Variants in PCDHA3 observed in about 807,000 individuals in gnomAD.
PCDHA3 encodes protocadherin alpha-3.
PCDHA3 carries 41 observed loss-of-function variants against 62.2 expected under a neutral mutation model. The observed-to-expected ratio is 0.66, with a 90% CI of 0.51 to 0.86. The LOEUF is 0.86. PCDHA3 is among the 40% of genes least tolerant of loss of function. The pLI is 0.00. For missense variants in PCDHA3, 1,304 were observed against 1,241.2 expected (o/e 1.05, Z -0.76); for synonymous variants, 640 against 555.4 (o/e 1.15, Z -2.14).
chr5:140,851,489 T>A, intron 1 of PCDHA3: 1 of 887,850 alleles, frequency 1.1e-6, no homozygotes, highest in Admixed American at 6.3e-5. Context: ...AACACAGCCT[T>A]CATTTCAACT....
At chr5:140,890,533 T>C (rs2062686259) in intron 1 of PCDHA3, among the ~76,000 whole-genome samples, 1 of 152,234 alleles carries the variant, frequency 6.6e-6, no homozygotes, top group South Asian at 2.1e-4. Context: ...TTGATCTTCT[T>C]TTGAAATGAC....
At position 140,843,462 on chromosome 5, in the gene PCDHA3, C is replaced by A. The variant is rs557665140; in HGVS notation, c.2394+39871C>A. The A allele has an allele frequency of 3.1e-6, 5 of 1,595,930 alleles. 1 individual carries two copies. In the African/African-American group the frequency reaches 5.4e-5, roughly 17 times the overall value. On this transcript the variant is annotated intron_variant, in intron 1 of 3. Coordinates refer to ENST00000522353, the MANE Select transcript of PCDHA3 (RefSeq NM_018906.3). ...GCGGTATCCAGCCTGCTGGTGCTCACGCTGCTGCTGTACACTGCGCTGCGG... is the reference window on the plus strand; with the variant it reads ...GCGGTATCCAGCCTGCTGGTGCTCAAGCTGCTGCTGTACACTGCGCTGCGG...
At chr5:140,851,889 A>G in intron 1 of PCDHA3, 1 of 976,024 alleles carries the variant, frequency 1.0e-6, no homozygotes, top group East Asian at 1.1e-4. Context: ...TCTGGATATG[A>G]GATTTGCCTC....
intron 1 of PCDHA3, among the ~76,000 whole-genome samples, chr5:140,959,868 C>A (rs532801353): frequency 8.5e-5 from 13 of 152,248 alleles, no homozygotes; most frequent in African/African-American, 2.9e-4. Flanking sequence ...GTAGCAAAAT[C>A]TGTCAAGGAA....
intron 1 of PCDHA3, chr5:140,967,281 C>G: frequency 2.5e-6 from 4 of 1,613,102 alleles, no homozygotes; most frequent in Non-Finnish European, 3.4e-6. Flanking sequence ...ATAGAGAGTG[C>G]GCAGGACCCC....
chr5:140,904,265 T>C (rs2070995327), intron 1 of PCDHA3, among the ~76,000 whole-genome samples: 1 of 152,118 alleles, frequency 6.6e-6, no homozygotes, highest in Non-Finnish European at 1.5e-5. Context: ...CTCCCACTTA[T>C]GAATGAGAAC....
chr5:140,938,500 T>C (rs1450018538), intron 1 of PCDHA3, among the ~76,000 whole-genome samples: 2 of 152,156 alleles, frequency 1.3e-5, no homozygotes, highest in Non-Finnish European at 2.9e-5. Context: ...AGGCATTGAA[T>C]TTATCACATA....
intron 3 of PCDHA3, among the ~76,000 whole-genome samples, chr5:140,996,029 C>T (rs915903807): frequency 6.6e-6 from 1 of 152,184 alleles, no homozygotes; most frequent in Admixed American, 6.5e-5. Context: ...GTTTAATGCT[C>T]CTAGCACTTA....
chr5:140,936,547 A>G (rs1554211059), intron 1 of PCDHA3, among the ~76,000 whole-genome samples: 1 of 152,240 alleles, frequency 6.6e-6, no homozygotes, highest in East Asian at 1.9e-4. Context: ...AGTGCAATGT[A>G]GAAGTCAAGA....
At chr5:140,882,755 G>A in intron 1 of PCDHA3, 2 of 1,614,230 alleles carry the variant, frequency 1.2e-6, no homozygotes, top group Non-Finnish European at 1.7e-6. Context: ...TGCAGATATT[G>A]GAGTAAACTC....
intron 3 of PCDHA3, among the ~76,000 whole-genome samples, chr5:141,003,395 T>G (rs1217089473): frequency 6.6e-6 from 1 of 152,160 alleles, no homozygotes; most frequent in Non-Finnish European, 1.5e-5. Flanking sequence ...CACTGAAACC[T>G]CCGCCTCCCG....
rs782525734 is a variant in PCDHA3 at position 140,884,093 on chromosome 5, T to A, written c.2394+80502T>A. 3.1e-6 allele frequency: 5 copies of A among 1,613,500 alleles called. No homozygotes were observed. In the Admixed American group the frequency reaches 8.3e-5, roughly 27 times the overall value. ...TTCGGGCTACAATGCGTGGCTTTCGTATGAATTGCAGCTGGCGGCGGTCGG... is the reference window on the plus strand; with the variant it reads ...TTCGGGCTACAATGCGTGGCTTTCGAATGAATTGCAGCTGGCGGCGGTCGG... On this transcript the variant is annotated intron_variant, in intron 1 of 3. Coordinates refer to ENST00000522353, the MANE Select transcript of PCDHA3 (RefSeq NM_018906.3).
rs1554122677 is a variant in PCDHA3, at chr5:140,803,261, C to T, written c.2064C>T (p.Gly688=). ...CCCAGGCGTCCGCTGGCGCCACGGG[C>T]CCGGAAGCTGCACTGGTGGATGTCA... The part of the protein sequence containing the change: ...ASSQASAGAT[G]PEAALVDVNV... Residue 688 remains glycine (G), a synonymous_variant, in exon 1 of 4, where the codon GGC becomes GGT. Coordinates refer to ENST00000522353, the MANE Select transcript of PCDHA3 (RefSeq NM_018906.3). 2 of 1,613,938 alleles carry T rather than the reference C, an allele frequency of 1.2e-6. No homozygotes were observed. The highest frequency in any genetic ancestry group is 2.7e-5 in the African/African-American group (2 of 75,066).
At chr5:141,000,413 ATATATATATTT>A (rs1563651437) in intron 3 of PCDHA3, among the ~76,000 whole-genome samples, 3 of 93,258 alleles carry the variant, frequency 3.2e-5, no homozygotes, top group African/African-American at 1.4e-4. Flanking sequence ...ATATATATAT[ATATATATATTT>A]TTTTTTTTTT....
intron 2 of PCDHA3, among the ~76,000 whole-genome samples, chr5:140,980,721 A>G (rs1219290542): frequency 3.9e-5 from 6 of 152,202 alleles, no homozygotes; most frequent in African/African-American, 1.2e-4. Flanking sequence ...TTCGGGTTTC[A>G]ATTAAGATAT....
intron 1 of PCDHA3, chr5:140,866,782 C>A (rs1318646938): frequency 1.3e-5 from 2 of 152,160 alleles, no homozygotes; most frequent in Admixed American, 6.5e-5. Context: ...TATGTCCTGA[C>A]TGATATAGTA....
rs782301588 is a variant in PCDHA3 at position 140,802,482 on chromosome 5, G to A, written c.1285G>A (p.Asp429Asn). ...SAYELVVTARDGGSPSLWATA... is the reference protein window; with the variant it reads ...SAYELVVTARNGGSPSLWATA... ...CTATGAGCTGGTGGTGACTGCTCGGGACGGGGGCTCGCCTTCACTGTGGGC... is the reference window on the plus strand; with the variant it reads ...CTATGAGCTGGTGGTGACTGCTCGGAACGGGGGCTCGCCTTCACTGTGGGC... The change falls in exon 1 of 4, where the codon GAC (aspartate) becomes AAC (asparagine). Residue 429 changes from aspartate to asparagine, a missense_variant. Coordinates refer to ENST00000522353, the MANE Select transcript of PCDHA3 (RefSeq NM_018906.3). The A allele has an allele frequency of 6.2e-7, 1 of 1,614,192 alleles. No homozygotes were observed. The highest frequency in any genetic ancestry group is 8.5e-7 in the Non-Finnish European group (1 of 1,180,028).
chr5:140,957,736 C>T (rs1001757062), intron 1 of PCDHA3, among the ~76,000 whole-genome samples: 3 of 151,944 alleles, frequency 2.0e-5, no homozygotes, highest in Non-Finnish European at 4.4e-5. Context: ...ATTATATATA[C>T]TGACATGAAA....
At chr5:140,834,262 C>G in intron 1 of PCDHA3, 2 of 985,852 alleles carry the variant, frequency 2.0e-6, no homozygotes, top group Admixed American at 2.4e-5. Flanking sequence ...ACGCTCCACT[C>G]TCTTTCACTC....
Sources: gnomAD v4.1 joint callset for allele counts (sites outside exome capture counted in the v4.1 genomes callset) on GRCh38, gnomAD v4.1.1 for gene constraint, MANE v1.5 for transcripts, NCBI Gene and HGNC (gene_info 2026-07-23, HGNC 2026-07-21) for gene names.